SPTLC1: variants seen among roughly 807,000 people sequenced by gnomAD.
SPTLC1 encodes serine palmitoyltransferase long chain base subunit 1, also known as serine palmitoyltransferase 1.
In SPTLC1, 55 loss-of-function variants were observed where a neutral mutation model predicts 68.9. The observed-to-expected ratio is 0.80, with a 90% CI of 0.64 to 1.00. SPTLC1 has a LOEUF of 1.00. Among genes scored for constraint, SPTLC1 ranks in the 50% least tolerant of loss-of-function variants. SPTLC1 has a pLI of 0.00. For synonymous variants in SPTLC1, 197 were observed against 201.6 expected, an observed-to-expected ratio of 0.98 and a Z score of 0.19; for missense variants, 449 against 573.1, an observed-to-expected ratio of 0.78 and a Z score of 2.21.
At chr9:92,086,834 G>C (rs1300449663) in intron 3 of SPTLC1, among the ~76,000 whole-genome samples, 2 of 152,320 alleles carry the variant, frequency 1.3e-5, no homozygotes, top group African/African-American at 4.8e-5. Context: ...ATCCTGCAGA[G>C]TGTTTTCCAA....
chr9:92,098,998 T>C (rs2118777726), intron 3 of SPTLC1, among the ~76,000 whole-genome samples: 1 of 152,260 alleles, frequency 6.6e-6, no homozygotes, highest in South Asian at 2.1e-4. Flanking sequence ...ACCAATCAAG[T>C]AACCAAACAA....
intron 13 of SPTLC1, among the ~76,000 whole-genome samples, chr9:92,037,345 A>C (rs375772433): frequency 6.6e-6 from 1 of 152,204 alleles, no homozygotes; most frequent in South Asian, 2.1e-4. Flanking sequence ...AAGGAAGCAG[A>C]ATCATGCCCA....
chr9:92,054,878 C>T (rs562627585), intron 8 of SPTLC1, among the ~76,000 whole-genome samples: 1 of 152,154 alleles, frequency 6.6e-6, no homozygotes, highest in South Asian at 2.1e-4. Context: ...CGCCACTGCA[C>T]TCCAGCCTGA....
At chr9:92,059,954 C>T (rs1429726226) in intron 6 of SPTLC1, among the ~76,000 whole-genome samples, 1 of 152,160 alleles carries the variant, frequency 6.6e-6, no homozygotes. Flanking sequence ...TCCACCCCCA[C>T]TGTGGTGTCA....
intron 3 of SPTLC1, among the ~76,000 whole-genome samples, chr9:92,084,131 G>A (rs1025190393): frequency 4.0e-5 from 6 of 151,472 alleles, no homozygotes; most frequent in African/African-American, 1.5e-4. Flanking sequence ...TCAGCTTAAG[G>A]AGATTTTGGG....
intron 8 of SPTLC1, among the ~76,000 whole-genome samples, chr9:92,053,130 CAAAA>C (rs79512949): frequency 0.097 from 13,662 of 140,224 alleles, 1,102 homozygotes; most frequent in East Asian, 0.28. Context: ...AACAAACAAA[CAAAA>C]AAAAAAACAA....
chr9:92,107,564 AAC>A (rs1245035331), intron 3 of SPTLC1, among the ~76,000 whole-genome samples: 4 of 152,346 alleles, frequency 2.6e-5, no homozygotes, highest in African/African-American at 7.2e-5. Flanking sequence ...CATCCTGGCT[AAC>A]ACAGTGAAAC....
Position 92,079,445 on chromosome 9 carries a change from G to A in SPTLC1, c.427+571C>T, listed in dbSNP as rs181424155. The A allele has an allele frequency of 2.9e-4, 471 of 1,598,388 alleles. 2 individuals carry two copies. The African/African-American group carries it at 3.9e-3, about 13-fold the overall frequency. On this transcript the variant is annotated intron_variant, in intron 5 of 14. Transcript: ENST00000262554. The stretch of plus-strand genomic sequence containing the variant: ...TTAATAAAAACAACCATAAAATGCC[G>A]GTCTTCTTTGATGACTCCCAGGGAA...
intron 6 of SPTLC1, among the ~76,000 whole-genome samples, chr9:92,060,500 C>T (rs539874308): frequency 1.4e-3 from 209 of 152,218 alleles, no homozygotes; most frequent in African/African-American, 4.8e-3. Flanking sequence ...AAGAGTCCTA[C>T]AGAGATATCA....
chr9:92,083,329 G>A (rs1339273294), intron 3 of SPTLC1, among the ~76,000 whole-genome samples: 3 of 152,220 alleles, frequency 2.0e-5, no homozygotes, highest in Middle Eastern at 3.4e-3. Context: ...CCTATGTCCT[G>A]AATAGTAATG....
chr9:92,105,014 T>G, intron 3 of SPTLC1: 1 of 1,521,580 alleles, frequency 6.6e-7, no homozygotes, highest in Non-Finnish European at 8.8e-7. Flanking sequence ...CTGCTCCCTG[T>G]GGCCAGAGAA....
Position 92,032,489 on chromosome 9 carries a change from C to T in SPTLC1, c.1398G>A (p.Glu466=), listed in dbSNP as rs1832997000. The change falls in exon 15 of 15, where the codon GAG becomes GAA. Residue 466 remains glutamate, a synonymous_variant. Coordinates refer to ENST00000262554, the MANE Select transcript of SPTLC1 (RefSeq NM_006415.4). ...CCTAGAGCAGGACGGCCTGGGCTAC[C>T]TCCTTGATGGTGGACGCAGCTCTCT... The part of the protein sequence containing the change: ...ELERAASTIK[E]VAQAVLL The T allele has an allele frequency of 6.2e-7, 1 of 1,614,210 alleles. No individual in the cohort carries two copies. Among genetic ancestry groups the T allele is most frequent in the Admixed American group, 1.7e-5 (1 of 60,020 alleles).
chr9:92,079,569 A>G (rs775985445), intron 5 of SPTLC1: 1 of 1,612,934 alleles, frequency 6.2e-7, no homozygotes. Flanking sequence ...TCTTCATTCT[A>G]GAAAGATAAA....
At chr9:92,043,995 T>A (rs1276371209) in intron 12 of SPTLC1, among the ~76,000 whole-genome samples, 2 of 152,296 alleles carry the variant, frequency 1.3e-5, no homozygotes, top group East Asian at 1.9e-4. Flanking sequence ...TGTTTACTGT[T>A]CTCTGTAACC....
chr9:92,079,002 G>A (rs1441272786), intron 5 of SPTLC1: 1 of 952,854 alleles, frequency 1.0e-6, no homozygotes, highest in Non-Finnish European at 1.2e-6. Flanking sequence ...TATTTCCCTT[G>A]CTCTACTTTC....
At chr9:92,035,114 T>C (rs1357131965) in intron 13 of SPTLC1, among the ~76,000 whole-genome samples, 2 of 152,248 alleles carry the variant, frequency 1.3e-5, no homozygotes, top group African/African-American at 4.8e-5. Flanking sequence ...ATGAGCCCTG[T>C]GTGCCTGCTG....
intron 3 of SPTLC1, chr9:92,104,900 T>C: frequency 6.5e-7 from 1 of 1,534,290 alleles, no homozygotes; most frequent in Non-Finnish European, 8.7e-7. Context: ...GAGTTTCTAC[T>C]CCAAGGGCCA....
At chr9:92,038,468 C>T (rs1833225568) in intron 12 of SPTLC1, 103 bp from the exon 13 acceptor site, 6 of 822,952 alleles carry the variant, frequency 7.3e-6, no homozygotes, top group Admixed American at 3.5e-5. Flanking sequence ...GCACAGTGAA[C>T]GTACAGAAGC....
chr9:92,067,785 C>T (rs1252513634), intron 6 of SPTLC1, among the ~76,000 whole-genome samples, 181 bp downstream of exon 6: 1 of 152,152 alleles, frequency 6.6e-6, no homozygotes, highest in South Asian at 2.1e-4. Context: ...CTATAGACAC[C>T]GTTAAGCATC....
Sources: gnomAD v4.1 joint callset for allele counts (sites outside exome capture counted in the v4.1 genomes callset) on GRCh38, gnomAD v4.1.1 for gene constraint, MANE v1.5 for transcripts, NCBI Gene and HGNC (gene_info 2026-07-23, HGNC 2026-07-21) for gene names.